Variants in SEMA5A observed in about 807,000 individuals in gnomAD.
SEMA5A encodes semaphorin-5A.
A neutral mutation model predicts 135.5 loss-of-function variants in SEMA5A; 55 were observed. That is an observed-to-expected ratio of 0.41 (90% CI 0.33 to 0.51). The LOEUF is 0.51. SEMA5A is among the 20% of genes least tolerant of loss of function. SEMA5A has a pLI of 0.37. For synonymous variants in SEMA5A, 580 were observed against 546.5 expected, an observed-to-expected ratio of 1.06 and a Z score of -0.85; for missense variants, 1,290 against 1,419.9, an observed-to-expected ratio of 0.91 and a Z score of 1.47.
At position 9,361,096 on chromosome 5, in the gene SEMA5A, C is replaced by T. The variant is rs180802302; in HGVS notation, c.124+18727G>A. Among the ~76,000 whole-genome samples the T allele has an allele frequency of 4.3e-4, 66 of 152,178 alleles. No individual in the cohort carries two copies. The East Asian group carries it at 0.011, about 25-fold the overall frequency. ...GGCAGACCACCTGAGGTCAAGAGTT[C>T]GAGACCAGCCTGGCCAACATGGTAA... On this transcript the variant is annotated intron_variant, in intron 3 of 22. Coordinates refer to ENST00000382496, the MANE Select transcript of SEMA5A (RefSeq NM_003966.3).
chr5:9,131,037 T>G (rs1228502475), intron 13 of SEMA5A, among the ~76,000 whole-genome samples: 3 of 152,214 alleles, frequency 2.0e-5, no homozygotes, highest in Admixed American at 2.0e-4. Context: ...AGAATCCTGT[T>G]ATTAGGAGAC....
At chr5:9,118,521 G>T (rs180934856) in intron 15 of SEMA5A, among the ~76,000 whole-genome samples, 3 of 152,176 alleles carry the variant, frequency 2.0e-5, no homozygotes, top group Admixed American at 6.5e-5. Flanking sequence ...CTTCATTGAG[G>T]GTATTTCTGA....
chr5:9,049,654 T>C (rs1736459854), intron 21 of SEMA5A, among the ~76,000 whole-genome samples: 1 of 152,144 alleles, frequency 6.6e-6, no homozygotes, highest in South Asian at 2.1e-4. Context: ...CAGTCACACA[T>C]GTGGAAGTTA....
intron 13 of SEMA5A, among the ~76,000 whole-genome samples, chr5:9,132,200 T>C (rs1741475761): frequency 6.6e-6 from 1 of 152,156 alleles, no homozygotes; most frequent in South Asian, 2.1e-4. Context: ...AAATAAGTCT[T>C]CTTTAAGTCC....
chr5:9,151,420 T>C (rs1339939378), intron 12 of SEMA5A, among the ~76,000 whole-genome samples: 1 of 152,326 alleles, frequency 6.6e-6, no homozygotes, highest in Admixed American at 6.5e-5. Context: ...GCAAAGAAAT[T>C]AGTATCCAAT....
At chr5:9,156,622 A>C (rs751173781) in intron 11 of SEMA5A, among the ~76,000 whole-genome samples, 7 of 152,178 alleles carry the variant, frequency 4.6e-5, no homozygotes, top group Non-Finnish European at 1.0e-4. Flanking sequence ...GCTTTCATAG[A>C]AGTTCAGGGG....
chr5:9,164,308 T>C (rs1297813464), intron 11 of SEMA5A, among the ~76,000 whole-genome samples: 2 of 144,578 alleles, frequency 1.4e-5, no homozygotes, highest in African/African-American at 2.5e-5. Flanking sequence ...TAAATATATA[T>C]AATATAAATA....
At chr5:9,510,868 G>A (rs866629273) in intron 1 of SEMA5A, among the ~76,000 whole-genome samples, 6 of 152,164 alleles carry the variant, frequency 3.9e-5, no homozygotes, top group African/African-American at 1.4e-4. Context: ...AGTTAAACAA[G>A]TTTGGAGCAT....
intron 21 of SEMA5A, among the ~76,000 whole-genome samples, chr5:9,049,727 T>G (rs1055267210): frequency 1.3e-4 from 20 of 152,230 alleles, no homozygotes; most frequent in Non-Finnish European, 2.9e-5. Context: ...CCTTGGTGGC[T>G]GGACAGCCAA....
At chr5:9,110,356 G>A (rs1413224959) in intron 15 of SEMA5A, among the ~76,000 whole-genome samples, 1 of 152,124 alleles carries the variant, frequency 6.6e-6, no homozygotes, top group African/African-American at 2.4e-5. Flanking sequence ...TTCAGTATGG[G>A]GTCTGCATCT....
At position 9,326,738 on chromosome 5, in the gene SEMA5A, G is replaced by A. The variant is rs1167547980; in HGVS notation, c.225-8321C>T. Among the ~76,000 whole-genome samples, 3 of 152,080 alleles carry A rather than the reference G, an allele frequency of 2.0e-5. No individual in the cohort carries two copies. The East Asian group carries it at 5.8e-4, about 30-fold the overall frequency. ...GGAGGTTGCACTGAGCAGAGATCCT[G>A]CCACTGCACTCCAGCCTGGGCTACA... is the stretch of plus-strand genomic sequence containing the variant. On this transcript the variant is annotated intron_variant, in intron 4 of 22. Transcript: ENST00000382496.
At chr5:9,077,525 C>T (rs1738133620) in intron 16 of SEMA5A, among the ~76,000 whole-genome samples, 1 of 152,114 alleles carries the variant, frequency 6.6e-6, no homozygotes. Flanking sequence ...ATCCACAATC[C>T]CACTATTCTA....
chr5:9,066,316 T>C, intron 17 of SEMA5A, 105 bp downstream of exon 17: 1 of 1,081,528 alleles, frequency 9.2e-7, no homozygotes, highest in Non-Finnish European at 1.4e-6. Context: ...TGCTAAGCCA[T>C]AAATAACCAA....
chr5:9,200,811 A>C (rs544731577), intron 9 of SEMA5A, among the ~76,000 whole-genome samples: 1 of 152,334 alleles, frequency 6.6e-6, no homozygotes, highest in East Asian at 1.9e-4. Flanking sequence ...AATACCACTC[A>C]TGGGCAGGCA....
intron 2 of SEMA5A, among the ~76,000 whole-genome samples, chr5:9,402,055 C>T (rs2126570400): frequency 6.6e-6 from 1 of 152,348 alleles, no homozygotes; most frequent in African/African-American, 2.4e-5. Context: ...GTACACACTA[C>T]ATGCTGGACT....
intron 1 of SEMA5A, among the ~76,000 whole-genome samples, chr5:9,544,750 C>A (rs953983661): frequency 2.8e-4 from 43 of 152,340 alleles, no homozygotes; most frequent in African/African-American, 9.1e-4. Flanking sequence ...AGGAGGTGAA[C>A]GCGCTTCCCG....
chr5:9,314,082 T>G (rs1334918861), intron 5 of SEMA5A, among the ~76,000 whole-genome samples: 1 of 152,202 alleles, frequency 6.6e-6, no homozygotes, highest in Non-Finnish European at 1.5e-5. Context: ...TCCTCCTTGA[T>G]CTGTTTCATC....
At chr5:9,322,347 G>C (rs190064790) in intron 4 of SEMA5A, among the ~76,000 whole-genome samples, 1 of 151,972 alleles carries the variant, frequency 6.6e-6, no homozygotes, top group African/African-American at 2.4e-5. Flanking sequence ...AATCAATATG[G>C]CAGAGGTATT....
rs1051812589 is a variant in SEMA5A, at chr5:9,038,076, G to C, written c.*4821C>G. 2.6e-5 allele frequency: 4 copies of C among 152,180 alleles called. No homozygotes were observed. Among genetic ancestry groups the C allele is most frequent in the African/African-American group, 7.2e-5 (3 of 41,444 alleles). The allele number at this position is 152,180 out of a possible 1,614,324, so 9.4% of individuals were successfully genotyped here. On this transcript the variant is annotated 3_prime_UTR_variant, in exon 23 of 23. Coordinates refer to ENST00000382496, the MANE Select transcript of SEMA5A (RefSeq NM_003966.3). ...CCATAGGTAATCAAATATTGGTAAC[G>C]TTGTGTCAACATGCTTCCCCAAGTG...
Sources: gnomAD v4.1 joint callset for allele counts (sites outside exome capture counted in the v4.1 genomes callset) on GRCh38, gnomAD v4.1.1 for gene constraint, MANE v1.5 for transcripts, NCBI Gene and HGNC (gene_info 2026-07-23, HGNC 2026-07-21) for gene names.